FAM222B: variants seen among roughly 807,000 people sequenced by gnomAD.
FAM222B encodes the protein family with sequence similarity 222 member B.
FAM222B carries 12 observed loss-of-function variants against 38.0 expected under a neutral mutation model. The ratio of observed to expected loss-of-function variants is 0.32; its 90% CI spans 0.20 to 0.51. The LOEUF (loss-of-function observed/expected upper bound fraction) is 0.51, where lower values mean the gene tolerates loss of function less well. Ranked by LOEUF, FAM222B falls within the 20% of genes least tolerant of loss-of-function variation. The pLI is 0.97. For missense variants in FAM222B, 716 were observed against 754.2 expected (o/e 0.95, Z 0.59); for synonymous variants, 329 against 317.2 (o/e 1.04, Z -0.40).
intron 1 of FAM222B, among the ~76,000 whole-genome samples, chr17:28,786,273 T>C (rs1003390245): frequency 6.6e-6 from 1 of 152,188 alleles, no homozygotes; most frequent in African/African-American, 2.4e-5. Flanking sequence ...AATCAATTCA[T>C]AGTGAAAATC....
At chr17:28,807,307 C>T (rs368857021) in intron 1 of FAM222B, among the ~76,000 whole-genome samples, 6 of 152,072 alleles carry the variant, frequency 3.9e-5, no homozygotes, top group South Asian at 4.2e-4. Flanking sequence ...TGAGCCACCG[C>T]GCCTGGCAAA....
At chr17:28,789,444 C>T (rs1253036421) in intron 1 of FAM222B, among the ~76,000 whole-genome samples, 3 of 152,144 alleles carry the variant, frequency 2.0e-5, no homozygotes, top group Non-Finnish European at 4.4e-5. Flanking sequence ...CCACCTGCCT[C>T]GGCCCCCCAA....
At chr17:28,809,589 C>T (rs1490207837) in intron 1 of FAM222B, among the ~76,000 whole-genome samples, 1 of 152,106 alleles carries the variant, frequency 6.6e-6, no homozygotes, top group Non-Finnish European at 1.5e-5. Context: ...TAGTTCTATA[C>T]ATAGTCTTCT....
intron 1 of FAM222B, among the ~76,000 whole-genome samples, chr17:28,791,052 T>C: frequency 6.6e-6 from 1 of 151,208 alleles, no homozygotes; most frequent in Non-Finnish European, 1.5e-5. Context: ...GGACTACAGG[T>C]GCCCGCCACC....
chr17:28,766,828 A>G, intron 1 of FAM222B, 121 bp from the exon 2 acceptor site: 2 of 589,416 alleles, frequency 3.4e-6, no homozygotes, highest in Non-Finnish European at 6.1e-6. Context: ...TTTAATTAGC[A>G]GTGTGTTGGT....
At chr17:28,824,808 CTT>C (rs1341482147) in intron 1 of FAM222B, among the ~76,000 whole-genome samples, 1 of 152,148 alleles carries the variant, frequency 6.6e-6, no homozygotes, top group African/African-American at 2.4e-5. Flanking sequence ...GAGTTTCGCT[CTT>C]GTTGACCAAG....
intron 1 of FAM222B, chr17:28,854,823 T>C: frequency 2.0e-6 from 1 of 501,810 alleles, no homozygotes. Flanking sequence ...AGTCCAAAAC[T>C]ACCGTCATGC....
At chr17:28,815,546 G>T (rs1343549219) in intron 1 of FAM222B, among the ~76,000 whole-genome samples, 2 of 151,498 alleles carry the variant, frequency 1.3e-5, no homozygotes, top group East Asian at 3.9e-4. Context: ...AAAAAAGCGG[G>T]CCAGGTGCAG....
chr17:28,801,386 G>A (rs1470466660), intron 1 of FAM222B, among the ~76,000 whole-genome samples: 2 of 150,946 alleles, frequency 1.3e-5, no homozygotes, highest in African/African-American at 4.9e-5. Flanking sequence ...CCCGGGGGGC[G>A]GAGGCTGCAG....
chr17:28,825,700 A>G (rs1331403814), intron 1 of FAM222B, among the ~76,000 whole-genome samples: 1 of 152,190 alleles, frequency 6.6e-6, no homozygotes, highest in Non-Finnish European at 1.5e-5. Flanking sequence ...TATTCTCCCA[A>G]TATAAAGTAG....
chr17:28,832,045 C>A (rs1353490782), intron 1 of FAM222B, among the ~76,000 whole-genome samples: 5 of 150,110 alleles, frequency 3.3e-5, no homozygotes, highest in African/African-American at 1.2e-4. Context: ...AAAAAATTAG[C>A]CAGGCGTGGT....
chr17:28,814,770 C>CTTTTTTT (rs35921944), intron 1 of FAM222B, among the ~76,000 whole-genome samples: 2 of 117,604 alleles, frequency 1.7e-5, no homozygotes, highest in Admixed American at 1.8e-4. Flanking sequence ...CCAGGCCGAT[C>CTTTTTTT]TTTTTTTTTT....
At chr17:28,786,936 G>A (rs980036175) in intron 1 of FAM222B, among the ~76,000 whole-genome samples, 34 of 114,160 alleles carry the variant, frequency 3.0e-4, no homozygotes, top group Admixed American at 1.1e-3. Flanking sequence ...ACAGAGTCTC[G>A]CTCTGTCGCC....
intron 1 of FAM222B, chr17:28,777,186 C>T (rs2035934823): frequency 6.6e-6 from 1 of 152,054 alleles, no homozygotes; most frequent in African/African-American, 2.4e-5. Flanking sequence ...TGGGTATTTA[C>T]TCTAGACTTA....
At chr17:28,841,562 G>C (rs1284208684) in intron 1 of FAM222B, among the ~76,000 whole-genome samples, 1 of 152,014 alleles carries the variant, frequency 6.6e-6, no homozygotes, top group African/African-American at 2.4e-5. Context: ...TTTTAGTAGA[G>C]ACGGGATTTC....
chr17:28,809,505 T>C (rs2037644002), intron 1 of FAM222B, among the ~76,000 whole-genome samples: 1 of 152,230 alleles, frequency 6.6e-6, no homozygotes, highest in East Asian at 1.9e-4. Context: ...ATTGTTTCCT[T>C]GCAGATGACC....
chr17:28,784,491 T>TAAAAAAAAAAAAAAAAAAAA (rs559624246), intron 1 of FAM222B, among the ~76,000 whole-genome samples: 1 of 36,050 alleles, frequency 2.8e-5, no homozygotes, highest in Non-Finnish European at 5.0e-5. Context: ...TCCCCTCTCT[T>TAAAAAAAAAAAAAAAAAAAA]AAAAAAAAAA....
chr17:28,829,069 C>A (rs2038552733), intron 1 of FAM222B, among the ~76,000 whole-genome samples: 1 of 151,828 alleles, frequency 6.6e-6, no homozygotes, highest in Non-Finnish European at 1.5e-5. Flanking sequence ...CCATGCCCGG[C>A]TAATTTTTGT....
At chr17:28,843,442 CTTTTT>C (rs1161514672), upstream of FAM222B, among the ~76,000 whole-genome samples, 1 of 87,002 alleles carries the variant, frequency 1.1e-5, no homozygotes, top group East Asian at 3.7e-4. Flanking sequence ...CAGCCTGGGT[CTTTTT>C]TTTTTTTTTT....
Sources: gnomAD v4.1 joint callset for allele counts (sites outside exome capture counted in the v4.1 genomes callset) on GRCh38, gnomAD v4.1.1 for gene constraint, MANE v1.5 for transcripts, NCBI Gene and HGNC (gene_info 2026-07-23, HGNC 2026-07-21) for gene names.